The following OTOF variants were observed in gnomAD, a reference collection of about 807,000 sequenced individuals.
OTOF encodes otoferlin, also known as fer-1-like family member 2.
Under a neutral mutation model 236.8 loss-of-function variants are expected in OTOF, and 218 were observed. The observed-to-expected ratio is 0.92, with a 90% CI of 0.82 to 1.03. OTOF has a LOEUF of 1.03. Ranked by LOEUF, OTOF falls within the 50% of genes least tolerant of loss-of-function variation. The pLI, the probability that OTOF is intolerant of heterozygous loss-of-function variation, is 0.00. For missense variants in OTOF, 2,590 were observed against 2,694.4 expected (o/e 0.96, Z 0.86); for synonymous variants, 1,041 against 1,072.5 (o/e 0.97, Z 0.57).
rs567848759 is a variant in OTOF at position 26,472,685 on chromosome 2, A to G, written c.3734-36T>C. On this transcript the variant is annotated intron_variant, in intron 29 of 46. Transcript: ENST00000272371. Reference sequence around the variant, plus strand: ...GGATAGATGGACAGACAGGCAGAGGAAGGAGCAAGAGGAACAGTGAGATTG... The same window carrying G: ...GGATAGATGGACAGACAGGCAGAGGGAGGAGCAAGAGGAACAGTGAGATTG... 6.8e-6 allele frequency: 11 copies of G among 1,609,154 alleles called. No homozygotes were observed. In the East Asian group the frequency reaches 8.9e-5, roughly 13 times the overall value.
At chr2:26,485,592 G>T (rs963834693) in intron 11 of OTOF, among the ~76,000 whole-genome samples, 4 of 152,208 alleles carry the variant, frequency 2.6e-5, no homozygotes, top group Admixed American at 6.5e-5. Flanking sequence ...GCAAGCAAAG[G>T]GAAGCGCATC....
intron 8 of OTOF, among the ~76,000 whole-genome samples, chr2:26,496,929 A>G (rs1232847536): frequency 2.0e-5 from 3 of 152,054 alleles, no homozygotes; most frequent in Non-Finnish European, 4.4e-5. Context: ...AATGTGAGTG[A>G]CCCCAACAGA....
chr2:26,472,739 G>T, intron 29 of OTOF, 90 bp from the exon 30 acceptor site: 2 of 1,368,108 alleles, frequency 1.5e-6, no homozygotes, highest in Non-Finnish European at 2.0e-6. Flanking sequence ...GAGAACTAAA[G>T]CTGATTCTGG....
At chr2:26,520,373 C>G (rs12996315) in intron 3 of OTOF, among the ~76,000 whole-genome samples, 150,397 of 152,294 alleles carry the variant, frequency 0.99, 74,282 homozygotes, top group Middle Eastern at 1. Flanking sequence ...AGACATGCTT[C>G]ATGTCTCTAC....
rs929693209 is a variant in OTOF at position 26,474,026 on chromosome 2, C to T, written c.3373G>A (p.Gly1125Ser). 3.7e-6 allele frequency: 6 copies of T among 1,613,004 alleles called. No individual in the cohort carries two copies. The highest frequency in any genetic ancestry group is 4.2e-6 in the Non-Finnish European group (5 of 1,179,888). ...DRGPIMPVPM[G>S]IRPVLSKYRV... Reference sequence around the variant, plus strand: ...TACTTGCTGAGCACGGGCCGGATGCCCATGGGCACGGGCATGATGGGACCT... The same window carrying T: ...TACTTGCTGAGCACGGGCCGGATGCTCATGGGCACGGGCATGATGGGACCT... Residue 1125 changes from glycine to serine, a missense_variant, in exon 27 of 47, where the codon GGC becomes AGC. Transcript: ENST00000272371.
chr2:26,508,922 T>A (rs926401974), intron 5 of OTOF, among the ~76,000 whole-genome samples: 5 of 152,212 alleles, frequency 3.3e-5, no homozygotes, highest in African/African-American at 1.2e-4. Context: ...CACATAATAA[T>A]AATAACAATA....
At position 26,496,380 on chromosome 2, in the gene OTOF, A is replaced by G. The variant is rs1665985789; in HGVS notation, c.766-1307T>C. ...CTCCCAAGTAGCTGGGATTACAAGC[A>G]TATGCCACCCCGCCCGGCTAATTTT... is the stretch of plus-strand genomic sequence containing the variant. On this transcript the variant is annotated intron_variant, in intron 8 of 46. Coordinates refer to ENST00000272371, the MANE Select transcript of OTOF (RefSeq NM_194248.3). Among the ~76,000 whole-genome samples the G allele has an allele frequency of 2.6e-5, 4 of 151,658 alleles. No homozygotes were observed. In the East Asian group the frequency reaches 7.8e-4, roughly 30 times the overall value.
At position 26,475,950 on chromosome 2, in the gene OTOF, G is replaced by A. The variant is rs773861501; in HGVS notation, c.2955C>T (p.Ala985=). The change falls in exon 24 of 47, where the codon GCC becomes GCT. Residue 985 remains alanine (A), a synonymous_variant. Coordinates refer to ENST00000272371, the MANE Select transcript of OTOF (RefSeq NM_194248.3). ...ADSSGLSDPF[A]RVFFINQSQC... ...GACTCTGATTGATGAAGAAGACGCG[G>A]GCAAAGGGGTCTGAGAGTCCGCTGC... 31 of 1,611,780 alleles carry A rather than the reference G, an allele frequency of 1.9e-5. No individual in the cohort carries two copies. Among genetic ancestry groups the A allele is most frequent in the Non-Finnish European group, 2.6e-5 (31 of 1,179,548 alleles).
At chr2:26,538,127 C>G (rs1667120408) in intron 1 of OTOF, among the ~76,000 whole-genome samples, 1 of 152,226 alleles carries the variant, frequency 6.6e-6, no homozygotes, top group African/African-American at 2.4e-5. Flanking sequence ...CCTCTGCAGC[C>G]TCCTCAGCTC....
chr2:26,551,722 A>G (rs1215961313), intron 1 of OTOF, among the ~76,000 whole-genome samples: 1 of 152,260 alleles, frequency 6.6e-6, no homozygotes, highest in Non-Finnish European at 1.5e-5. Flanking sequence ...TACAAAACAC[A>G]TTAAAATGAA....
intron 8 of OTOF, among the ~76,000 whole-genome samples, chr2:26,498,296 G>C (rs1666038043): frequency 6.6e-6 from 1 of 152,230 alleles, no homozygotes; most frequent in Non-Finnish European, 1.5e-5. Flanking sequence ...GGAGGGAAGA[G>C]AAGCTCCAGA....
chr2:26,512,438 G>C (rs1666414196), intron 5 of OTOF, among the ~76,000 whole-genome samples: 1 of 152,244 alleles, frequency 6.6e-6, no homozygotes, highest in Non-Finnish European at 1.5e-5. Flanking sequence ...GTGTGCATGT[G>C]AGTGTGGTCA....
chr2:26,544,378 T>C (rs1335880879), intron 1 of OTOF, among the ~76,000 whole-genome samples: 1 of 152,250 alleles, frequency 6.6e-6, no homozygotes, highest in Non-Finnish European at 1.5e-5. Context: ...CTCTGATTTC[T>C]AGCACCAAAG....
chr2:26,486,763 T>A (rs1665711173), intron 11 of OTOF, among the ~76,000 whole-genome samples: 1 of 152,066 alleles, frequency 6.6e-6, no homozygotes, highest in South Asian at 2.1e-4. Context: ...CTACATCAGG[T>A]TAACACTTGA....
chr2:26,472,565 G>A lies in OTOF; in HGVS notation c.3818C>T (p.Pro1273Leu). Residue 1273 changes from proline (P) to leucine (L), a missense_variant, in exon 30 of 47, where the codon CCA becomes CTA. Physicochemically the swap from Pro to Leu is moderately conservative, Grantham distance 98 (BLOSUM62 -3). Transcript: ENST00000272371. ...CTCCAGTTTCTTGATGGGTACCTCTGGCTCCATAGTCACCACAACCTCCCC... is the reference window on the plus strand; with the variant it reads ...CTCCAGTTTCTTGATGGGTACCTCTAGCTCCATAGTCACCACAACCTCCCC... ...STGEVVVTME[P>L]EVPIKKLETM... 1 of 1,613,484 alleles carries A rather than the reference G, an allele frequency of 6.2e-7. No individual in the cohort carries two copies. Among genetic ancestry groups the A allele is most frequent in the South Asian group, 1.1e-5 (1 of 91,086 alleles).
chr2:26,505,315 AAT>A (rs2148082557), intron 5 of OTOF, among the ~76,000 whole-genome samples: 1 of 152,288 alleles, frequency 6.6e-6, no homozygotes, highest in Non-Finnish European at 1.5e-5. Flanking sequence ...GAAATACGAC[AAT>A]GAGAAGAAAG....
Position 26,475,493 on chromosome 2 carries a change from C to T in OTOF, c.2992G>A (p.Val998Met). Reference protein sequence around the residue: ...FFINQSQCTEVLNETLCPTWD... With the variant: ...FFINQSQCTEMLNETLCPTWD... Reference sequence around the variant, plus strand: ...GTGGGACACAGGGTCTCATTCAGCACCTGCAGCATGGGATGGGGAGACAGG... The same window carrying T: ...GTGGGACACAGGGTCTCATTCAGCATCTGCAGCATGGGATGGGGAGACAGG... Residue 998 changes from valine (V) to methionine (M), a missense_variant and splice_region_variant, in exon 25 of 47, where the codon GTG becomes ATG. Physicochemically the swap from Val to Met is conservative, Grantham distance 21. Transcript: ENST00000272371. 6.2e-7 allele frequency: 1 copy of T among 1,612,568 alleles called. No homozygotes were observed. Among genetic ancestry groups the T allele is most frequent in the Non-Finnish European group, 8.5e-7 (1 of 1,179,712 alleles).
At chr2:26,557,789 T>C (rs889998473) in intron 1 of OTOF, among the ~76,000 whole-genome samples, 5 of 151,868 alleles carry the variant, frequency 3.3e-5, no homozygotes, top group African/African-American at 1.2e-4. Flanking sequence ...CCCCACCTTC[T>C]GTCTCACATA....
At position 26,477,476 on chromosome 2, in the gene OTOF, C is replaced by T. The variant is rs1235307635; in HGVS notation, c.2346G>A (p.Gln782=). ...CRFLSLADKD[Q]GHSSRTRLDR... Reference sequence around the variant, plus strand: ...CAAGCCTGGTGCGGGATGAGTGGCCCTGGTCCTTGTCAGCGAGGGAGAGGA... The same window carrying T: ...CAAGCCTGGTGCGGGATGAGTGGCCTTGGTCCTTGTCAGCGAGGGAGAGGA... Residue 782 remains glutamine, a synonymous_variant, in exon 20 of 47, where the codon CAG becomes CAA. Transcript: ENST00000272371. This position sits in a 1 kb window ranked among gnomAD's most constrained non-coding sequence, Gnocchi z 4.7. The T allele has an allele frequency of 6.2e-7, 1 of 1,603,956 alleles. No homozygotes were observed. The highest frequency in any genetic ancestry group is 8.5e-7 in the Non-Finnish European group (1 of 1,176,100).
Sources: gnomAD v4.1 joint callset for allele counts (sites outside exome capture counted in the v4.1 genomes callset) on GRCh38, gnomAD v4.1.1 for gene constraint, Gnocchi (gnomAD v3.1) non-coding constraint, MANE v1.5 for transcripts, NCBI Gene and HGNC (gene_info 2026-07-23, HGNC 2026-07-21) for gene names.